The following FRMD8 variants were observed in gnomAD, a reference collection of about 807,000 sequenced individuals.
FRMD8 encodes FERM domain-containing protein 8.
FRMD8 carries 37 observed loss-of-function variants against 54.2 expected under a neutral mutation model. That is an observed-to-expected ratio of 0.68 (90% CI 0.53 to 0.90). The LOEUF is 0.90. Ranked by LOEUF, FRMD8 falls within the 40% of genes least tolerant of loss-of-function variation. The pLI is 0.00. For synonymous variants in FRMD8, 246 were observed against 286.9 expected, an observed-to-expected ratio of 0.86 and a Z score of 1.44; for missense variants, 585 against 653.7, an observed-to-expected ratio of 0.89 and a Z score of 1.15.
the FRMD8 span, chr11:65,379,417 T>C: frequency 6.2e-7 from 1 of 1,612,742 alleles, no homozygotes; most frequent in East Asian, 2.2e-5. Flanking sequence ...AAGATGTGCA[T>C]GTAGCTGGGC....
At chr11:65,399,539 C>T (rs1856025020) in intron 7 of FRMD8, among the ~76,000 whole-genome samples, 197 bp from the exon 8 acceptor site, 1 of 152,204 alleles carries the variant, frequency 6.6e-6, no homozygotes, top group Non-Finnish European at 1.5e-5. Flanking sequence ...CCTTCTCCCT[C>T]CGGTCGCACA....
chr11:65,380,845 G>A, the FRMD8 span: 1 of 310,516 alleles, frequency 3.2e-6, no homozygotes, highest in East Asian at 9.2e-5. Flanking sequence ...AGGCCTCAGG[G>A]CCCGGGACTG....
the FRMD8 span, among the ~76,000 whole-genome samples, chr11:65,371,790 A>G: frequency 2.4e-4 from 36 of 151,078 alleles, 1 homozygote; most frequent in South Asian, 6.9e-3. Flanking sequence ...AATTTTTTGT[A>G]TTTTTAGTAG....
At chr11:65,398,641 T>C (rs1276166902) in intron 7 of FRMD8, among the ~76,000 whole-genome samples, 5 of 152,244 alleles carry the variant, frequency 3.3e-5, no homozygotes, top group Non-Finnish European at 5.9e-5. Context: ...CTGTCACAAC[T>C]CTGCTGTAAA....
Position 65,404,733 on chromosome 11 carries a change from G to GCTCC in FRMD8, c.1072-122_1072-119dup, listed in dbSNP as rs1856153181. On this transcript the variant is annotated intron_variant, in intron 9 of 10. Transcript: ENST00000317568. This position sits in a 1 kb window ranked among gnomAD's most constrained non-coding sequence, Gnocchi z 4.7. ...AGTGGGACACCTCCCCTGCCTCCCT[G>GCTCC]CTCCCTCCCTCCTGAGTGATGTGTG... 2 of 732,984 alleles carry GCTCC rather than the reference G, an allele frequency of 2.7e-6. No individual in the cohort carries two copies. The highest frequency in any genetic ancestry group is 4.5e-6 in the Non-Finnish European group (2 of 441,510). 45.4% of individuals were successfully genotyped at this position (732,984 alleles called of 1,614,324 possible).
In FRMD8 at chr11:65,411,565, C is replaced by G. The variant is rs573842825; in HGVS notation, c.*205C>G. ...AAGCTGGCCAGGGCCTCCTGTAGGG[C>G]TCCTCTGCAGCCTGCCCTCCCTTCC... On this transcript the variant is annotated 3_prime_UTR_variant, in exon 11 of 11. Transcript: ENST00000317568. 2.1e-6 allele frequency: 1 copy of G among 465,782 alleles called. No individual in the cohort carries two copies. Among genetic ancestry groups the G allele is most frequent in the Admixed American group, 4.0e-5 (1 of 25,222 alleles). The allele number at this position is 465,782 out of a possible 1,614,324, so 28.9% of individuals were successfully genotyped here.
the FRMD8 span, among the ~76,000 whole-genome samples, chr11:65,369,777 A>G: frequency 2.0e-5 from 3 of 151,494 alleles, no homozygotes; most frequent in Non-Finnish European, 4.4e-5. Context: ...TCATGCCTGT[A>G]ATCCCAGCAC....
At chr11:65,403,181 T>C (rs1856118129) in intron 9 of FRMD8, among the ~76,000 whole-genome samples, 1 of 151,138 alleles carries the variant, frequency 6.6e-6, no homozygotes. Flanking sequence ...TCTGCCTTTT[T>C]TCTTTTTTTC....
At chr11:65,378,540 AGGT>A in the FRMD8 span, 1 of 152,124 alleles carries the variant, frequency 6.6e-6, no homozygotes, top group Admixed American at 6.5e-5. Flanking sequence ...GGAAACCTAT[AGGT>A]GGCACCTCGC....
chr11:65,389,508 G>T lies in FRMD8; in HGVS notation c.233G>T (p.Trp78Leu). 1 of 1,596,306 alleles carries T rather than the reference G, an allele frequency of 6.3e-7. No homozygotes were observed. The highest frequency in any genetic ancestry group is 2.3e-5 in the East Asian group (1 of 44,186). The change falls in exon 3 of 11, where the codon TGG (tryptophan) becomes TTG (leucine). Residue 78 changes from tryptophan (W) to leucine (L), a missense_variant. Trp to Leu is a moderately conservative substitution (Grantham distance 61). Transcript: ENST00000317568. ...PDIALDVFAL[W>L]LVSPLLEVQL... is the part of the protein sequence containing the mutation. ...ATCGCCCTGGATGTCTTCGCGCTCTGGCTGGTCTCCCCTCTGCTGGGTAAG... is the reference window on the plus strand; with the variant it reads ...ATCGCCCTGGATGTCTTCGCGCTCTTGCTGGTCTCCCCTCTGCTGGGTAAG...
chr11:65,377,251 T>A, the FRMD8 span: 1 of 1,428,952 alleles, frequency 7.0e-7, no homozygotes, highest in East Asian at 2.5e-5. Flanking sequence ...GATGTCTGCA[T>A]GCGACCGGGA....
intron 10 of FRMD8, among the ~76,000 whole-genome samples, chr11:65,409,800 G>A (rs1052177671): frequency 1.3e-5 from 2 of 151,490 alleles, no homozygotes; most frequent in Non-Finnish European, 2.9e-5. Flanking sequence ...ATTTATTAAC[G>A]TCTTGGCTAG....
At chr11:65,390,308 A>G (rs888801095) in intron 3 of FRMD8, among the ~76,000 whole-genome samples, 1 of 152,148 alleles carries the variant, frequency 6.6e-6, no homozygotes, top group Non-Finnish European at 1.5e-5. Context: ...GAGGGGGCCA[A>G]GGGAGAGGCT....
the FRMD8 span, chr11:65,380,197 A>G: frequency 2.2e-5 from 36 of 1,614,028 alleles, no homozygotes; most frequent in South Asian, 3.7e-4. Context: ...AGAGGGTGCT[A>G]TGAGTGAGGG....
At chr11:65,368,677 C>A in the FRMD8 span, among the ~76,000 whole-genome samples, 1 of 152,206 alleles carries the variant, frequency 6.6e-6, no homozygotes, top group Non-Finnish European at 1.5e-5. Context: ...CATTCTCCTG[C>A]CTCAGCCTCC....
upstream of FRMD8, chr11:65,381,828 G>T (rs1486411427): frequency 6.4e-7 from 1 of 1,555,572 alleles, no homozygotes; most frequent in Admixed American, 1.7e-5. Flanking sequence ...TCAGACTTTG[G>T]TCTCTGCTCC....
At chr11:65,393,483 C>A in intron 3 of FRMD8, 90 bp from the exon 4 acceptor site, 1 of 932,984 alleles carries the variant, frequency 1.1e-6, no homozygotes, top group Non-Finnish European at 1.7e-6. Context: ...TTGGTTGCGA[C>A]TGTCGTCATG....
At position 65,412,655 on chromosome 11, in the gene FRMD8, T is replaced by TCGTTC. The variant is rs935484899; in HGVS notation, c.*1297_*1301dup. 1 of 152,266 alleles carries TCGTTC rather than the reference T, an allele frequency of 6.6e-6. No individual in the cohort carries two copies. The highest frequency in any genetic ancestry group is 6.5e-5 in the Admixed American group (1 of 15,286). 9.4% of individuals were successfully genotyped at this position (152,266 alleles called of 1,614,324 possible). A position where few individuals can be genotyped will look rare whatever the true frequency, so the allele number is the denominator to read the frequency against. The stretch of plus-strand genomic sequence containing the variant: ...GGCTGCACAGGGCTTGGCTTTGTCT[T>TCGTTC]CGTTCCCGGTGGAAAACCGTGGGAG... On this transcript the variant is annotated 3_prime_UTR_variant, in exon 11 of 11. Transcript: ENST00000317568.
chr11:65,396,048 C>T (rs1197644292), intron 6 of FRMD8, among the ~76,000 whole-genome samples: 1 of 152,186 alleles, frequency 6.6e-6, no homozygotes, highest in African/African-American at 2.4e-5. Context: ...GTGCCGGGCA[C>T]ACTGCGGGTG....
Sources: gnomAD v4.1 joint callset for allele counts (sites outside exome capture counted in the v4.1 genomes callset) on GRCh38, gnomAD v4.1.1 for gene constraint, Gnocchi (gnomAD v3.1) non-coding constraint, MANE v1.5 for transcripts, NCBI Gene and HGNC (gene_info 2026-07-23, HGNC 2026-07-21) for gene names.